The following USP51 variants were observed in gnomAD, a reference collection of about 807,000 sequenced individuals.
USP51 encodes the protein ubiquitin carboxyl-terminal hydrolase 51.
Under a neutral mutation model 17.6 loss-of-function variants are expected in USP51, and 5 were observed. The ratio of observed to expected loss-of-function variants is 0.28; its 90% confidence interval spans 0.15 to 0.60. USP51 has a LOEUF of 0.60. Ranked by LOEUF, USP51 falls within the 20% of genes least tolerant of loss-of-function variation. USP51 has a pLI of 0.88. For synonymous variants in USP51, 248 were observed against 216.1 expected (o/e 1.15, Z -1.29); for missense variants, 459 against 559.5 (o/e 0.82, Z 1.81).
In USP51 at chrX:55,486,243, A is replaced by C. The variant is rs1281150075; in HGVS notation, c.*561T>G. The C allele has an allele frequency of 8.9e-6, 1 of 112,039 alleles. No homozygotes were observed. The highest frequency in any genetic ancestry group is 2.8e-4 in the East Asian group (1 of 3,630). The allele number at this position is 112,039 out of a possible 1,213,427, so 9.2% of individuals were successfully genotyped here. Reference sequence around the variant, plus strand: ...TAAAAAATTATTTTTAACTTTTAAAATATTTCTTTTAAAAATAACAACTTA... The same window carrying C: ...TAAAAAATTATTTTTAACTTTTAAACTATTTCTTTTAAAAATAACAACTTA... On this transcript the variant is annotated 3_prime_UTR_variant, in exon 3 of 3. Transcript: ENST00000500968.
Position 55,488,250 on chromosome X carries a change from T to G in USP51, c.690A>C (p.Lys230Asn). Reference sequence around the variant, plus strand: ...ATACGTGACAGATGCATGACTTTGCTTTACGTTTCCTAGTCTCTGGGGTCC... The same window carrying G: ...ATACGTGACAGATGCATGACTTTGCGTTACGTTTCCTAGTCTCTGGGGTCC... ...WSGTPETRKRKAKSCICHVCS... is the reference protein window; with the variant it reads ...WSGTPETRKRNAKSCICHVCS... The change falls in exon 3 of 3, where the codon AAA becomes AAC. Residue 230 changes from lysine to asparagine, a missense_variant. This residue lies in a region of USP51 where 227 missense variants were observed against 365.5 expected (regional missense o/e 0.62). Coordinates refer to ENST00000500968, the MANE Select transcript of USP51 (RefSeq NM_201286.4). 7 of 1,211,922 alleles carry G rather than the reference T, an allele frequency of 5.8e-6. No individual in the cohort carries two copies. The highest frequency in any genetic ancestry group is 7.8e-6 in the Non-Finnish European group (7 of 895,529).
At position 55,488,148 on chromosome X, in the gene USP51, G is replaced by T. The variant is rs1414728491; in HGVS notation, c.792C>A (p.His264Gln). 7 of 1,210,403 alleles carry T rather than the reference G, an allele frequency of 5.8e-6. No homozygotes were observed. Among genetic ancestry groups the T allele is most frequent in the Non-Finnish European group, 5.6e-6 (5 of 895,346 alleles). Residue 264 changes from histidine to glutamine, a missense_variant, in exon 3 of 3, where the codon CAC becomes CAA. His to Gln is a conservative substitution (Grantham distance 24). Around this residue, in one of 2 missense-constraint regions of USP51, gnomAD observed 227 missense variants for 365.5 expected, o/e 0.62. Coordinates refer to ENST00000500968, the MANE Select transcript of USP51 (RefSeq NM_201286.4). ...FFGCFTEKHI[H>Q]KHAETKQHHL... ...GGTGCTGCTTTGTTTCTGCATGTTT[G>T]TGAATATGTTTCTCAGTGAAGCAGC...
Position 55,488,253 on chromosome X carries a change from A to G in USP51, c.687T>C (p.Arg229=), listed in dbSNP as rs775312851. 1 of 1,210,252 alleles carries G rather than the reference A, an allele frequency of 8.3e-7. No individual in the cohort carries two copies. Among genetic ancestry groups the G allele is most frequent in the African/African-American group, 1.7e-5 (1 of 57,185 alleles). ...VWSGTPETRK[R]KAKSCICHVC... ...CGTGACAGATGCATGACTTTGCTTT[A>G]CGTTTCCTAGTCTCTGGGGTCCCAC... The change falls in exon 3 of 3, where the codon CGT becomes CGC. Residue 229 remains arginine, a synonymous_variant. Transcript: ENST00000500968.
rs2031311833 is a variant in USP51, at chrX:55,486,062, C to T, written c.*742G>A. On this transcript the variant is annotated 3_prime_UTR_variant, in exon 3 of 3. Coordinates refer to ENST00000500968, the MANE Select transcript of USP51 (RefSeq NM_201286.4). Reference sequence around the variant, plus strand: ...CTTCATTTGAAACTTTTAAGATGTTCCTTTGTTTCTAACTTTAATTTTTAA... The same window carrying T: ...CTTCATTTGAAACTTTTAAGATGTTTCTTTGTTTCTAACTTTAATTTTTAA... The T allele has an allele frequency of 9.1e-6, 1 of 110,377 alleles. No homozygotes were observed. The highest frequency in any genetic ancestry group is 3.3e-5 in the African/African-American group (1 of 30,644). 9.1% of individuals were successfully genotyped at this position (110,377 alleles called of 1,213,427 possible).
rs770170110 is a variant in USP51, at chrX:55,488,933, G to C, written c.7C>G (p.Gln3Glu). The change falls in exon 3 of 3, where the codon CAG becomes GAG. Residue 3 changes from glutamine to glutamate, a missense_variant. Around this residue, in one of 2 missense-constraint regions of USP51, gnomAD observed 232 missense variants for 194.0 expected, o/e 1.20. Transcript: ENST00000500968. The stretch of plus-strand genomic sequence containing the variant: ...GAGGGCAAAGAAGTTTCTCGAACCT[G>C]GGCCATCAGATCACTCCCCGACCTG... MA[Q>E]VRETSLPSGS... The C allele has an allele frequency of 5.8e-6, 7 of 1,204,016 alleles. No homozygotes were observed.
Position 55,488,565 on chromosome X carries a change from C to G in USP51, c.375G>C (p.Pro125=). ...GCGGGGGCGGGGGCCGGGCTGGAGGCGGGGGTGGGGCCGAGAGCCCAGGCT... is the reference window on the plus strand; with the variant it reads ...GCGGGGGCGGGGGCCGGGCTGGAGGGGGGGGTGGGGCCGAGAGCCCAGGCT... ...RSQPGLSAPP[P]PPARPPPPPP... Residue 125 remains proline, a synonymous_variant, in exon 3 of 3, where the codon CCG becomes CCC. Coordinates refer to ENST00000500968, the MANE Select transcript of USP51 (RefSeq NM_201286.4). 1 of 936,900 alleles carries G rather than the reference C, an allele frequency of 1.1e-6. No individual in the cohort carries two copies. Among genetic ancestry groups the G allele is most frequent in the East Asian group, 4.2e-5 (1 of 23,886 alleles). 77.2% of individuals were successfully genotyped at this position (936,900 alleles called of 1,213,427 possible).
In USP51 at chrX:55,486,911, A is replaced by T; in HGVS notation, c.2029T>A (p.Trp677Arg). 8.3e-7 allele frequency: 1 copy of T among 1,211,894 alleles called. No individual in the cohort carries two copies. The highest frequency in any genetic ancestry group is 1.1e-6 in the Non-Finnish European group (1 of 895,562). Reference protein sequence around the residue: ...TSFIRQQKDQWFSCDDAIITK... With the variant: ...TSFIRQQKDQRFSCDDAIITK... ...ATGATGGCATCATCACAGCTGAACC[A>T]CTGGTCCTTTTGTTGCCGGATGAAG... is the stretch of plus-strand genomic sequence containing the variant. The change falls in exon 3 of 3, where the codon TGG (tryptophan) becomes AGG (arginine). Residue 677 changes from tryptophan to arginine, a missense_variant. Around this residue, in one of 2 missense-constraint regions of USP51, gnomAD observed 227 missense variants for 365.5 expected, o/e 0.62. Coordinates refer to ENST00000500968, the MANE Select transcript of USP51 (RefSeq NM_201286.4).
In USP51 at chrX:55,485,414, C is replaced by G. The variant is rs942522581; in HGVS notation, c.*1390G>C. ...GAAGGTGGGTTAGTTAGTGTTTAGG[C>G]CTTGCAGCCATTTCACAATTGGATG... On this transcript the variant is annotated 3_prime_UTR_variant, in exon 3 of 3. Coordinates refer to ENST00000500968, the MANE Select transcript of USP51 (RefSeq NM_201286.4). 9 of 110,377 alleles carry G rather than the reference C, an allele frequency of 8.2e-5. No homozygotes were observed. Among genetic ancestry groups the G allele is most frequent in the Non-Finnish European group, 1.7e-4 (9 of 52,862 alleles). The allele number at this position is 110,377 out of a possible 1,213,427, so 9.1% of individuals were successfully genotyped here. A position where few individuals can be genotyped will look rare whatever the true frequency, so the allele number is the denominator to read the frequency against.
Position 55,489,293 on chromosome X carries a change from C to T in USP51, c.-174G>A, listed in dbSNP as rs887815786. ...GAAACTTCTTTAAAAAAGGCGCCAC[C>T]CTCTGACTGCTTTTTTGCGCCCTGC... On this transcript the variant is annotated 5_prime_UTR_variant, in exon 2 of 3. Transcript: ENST00000500968. 2.7e-5 allele frequency: 5 copies of T among 185,794 alleles called. No individual in the cohort carries two copies. The highest frequency in any genetic ancestry group is 5.0e-5 in the Non-Finnish European group (5 of 100,498). 15.3% of individuals were successfully genotyped at this position (185,794 alleles called of 1,213,427 possible). A position where few individuals can be genotyped will look rare whatever the true frequency, so the allele number is the denominator to read the frequency against.
In USP51 at chrX:55,489,172, C is replaced by T; in HGVS notation, c.-53G>A. ...ATGGGGAGACCGAGGCGGTTACCTG[C>T]TTCAAAGGCGATCAGATCATGCCAG... On this transcript the variant is annotated 5_prime_UTR_variant, in exon 2 of 3. Transcript: ENST00000500968. The T allele has an allele frequency of 2.3e-6, 1 of 433,784 alleles. No individual in the cohort carries two copies. Among genetic ancestry groups the T allele is most frequent in the South Asian group, 3.7e-5 (1 of 27,294 alleles). 35.7% of individuals were successfully genotyped at this position (433,784 alleles called of 1,213,427 possible). A position where few individuals can be genotyped will look rare whatever the true frequency, so the allele number is the denominator to read the frequency against.
Position 55,488,618 on chromosome X carries a change from G to T in USP51, c.322C>A (p.Pro108Thr), listed in dbSNP as rs780035706. 17 of 1,148,039 alleles carry T rather than the reference G, an allele frequency of 1.5e-5. No homozygotes were observed. Among genetic ancestry groups the T allele is most frequent in the Non-Finnish European group, 2.0e-5 (17 of 868,396 alleles). The allele number at this position is 1,148,039 out of a possible 1,213,427, so 94.6% of individuals were successfully genotyped here. A position where few individuals can be genotyped will look rare whatever the true frequency, so the allele number is the denominator to read the frequency against. Residue 108 changes from proline to threonine, a missense_variant, in exon 3 of 3, where the codon CCC becomes ACC. By Grantham distance (38) the Pro-to-Thr change is conservative (BLOSUM62 -1). Coordinates refer to ENST00000500968, the MANE Select transcript of USP51 (RefSeq NM_201286.4). Reference sequence around the variant, plus strand: ...CTGCGGGAGCGGGCCCGGGGCTGGGGCCGAGGGCGGGGCTTGCGGCGCGGG... The same window carrying T: ...CTGCGGGAGCGGGCCCGGGGCTGGGTCCGAGGGCGGGGCTTGCGGCGCGGG... Reference protein sequence around the residue: ...VCPRRKPRPRPQPRARSRSQP... With the variant: ...VCPRRKPRPRTQPRARSRSQP...
At position 55,488,694 on chromosome X, in the gene USP51, C is replaced by G; in HGVS notation, c.246G>C (p.Lys82Asn). The G allele has an allele frequency of 5.0e-6, 6 of 1,200,475 alleles. No homozygotes were observed. Among genetic ancestry groups the G allele is most frequent in the East Asian group, 3.0e-5 (1 of 33,783 alleles). Reference protein sequence around the residue: ...LTWSSSGGDEKVLPSIPLRCH... With the variant: ...LTWSSSGGDENVLPSIPLRCH... ...AGCGAAGGGGGATTGAAGGGAGCACCTTCTCGTCGCCGCCGCTGCTGCTCC... is the reference window on the plus strand; with the variant it reads ...AGCGAAGGGGGATTGAAGGGAGCACGTTCTCGTCGCCGCCGCTGCTGCTCC... The change falls in exon 3 of 3, where the codon AAG (lysine) becomes AAC (asparagine). Residue 82 changes from lysine to asparagine, a missense_variant. Transcript: ENST00000500968.
rs777481276 is a variant in USP51 at position 55,488,730 on chromosome X, C to A, written c.210G>T (p.Glu70Asp). The change falls in exon 3 of 3, where the codon GAG becomes GAT. Residue 70 changes from glutamate to aspartate, a missense_variant. Physicochemically the swap from Glu to Asp is conservative, Grantham distance 45. Coordinates refer to ENST00000500968, the MANE Select transcript of USP51 (RefSeq NM_201286.4). ...PLQEREPAPEENLTWSSSGGD... is the reference protein window; with the variant it reads ...PLQEREPAPEDNLTWSSSGGD... ...CGCCGCTGCTGCTCCACGTCAAGTT[C>A]TCCTCCGGCGCGGGCTCACGCTCTT... 6 of 1,205,296 alleles carry A rather than the reference C, an allele frequency of 5.0e-6. No individual in the cohort carries two copies. In the Admixed American group the frequency reaches 1.3e-4, roughly 26 times the overall value.
rs368900963 is a variant in USP51, at chrX:55,486,793, G to A, written c.*11C>T. 6 of 1,163,200 alleles carry A rather than the reference G, an allele frequency of 5.2e-6. No individual in the cohort carries two copies. In the African/African-American group the frequency reaches 1.1e-4, roughly 21 times the overall value. ...TCATTTACTTTTTTTTCAGTAAGTG[G>A]TCTGGTAAGACTAGTCTTTCTCTAG... On this transcript the variant is annotated 3_prime_UTR_variant, in exon 3 of 3. Coordinates refer to ENST00000500968, the MANE Select transcript of USP51 (RefSeq NM_201286.4).
Position 55,488,546 on chromosome X carries a change from G to A in USP51, c.394C>T (p.Pro132Ser), listed in dbSNP as rs921594347. 25 of 1,012,614 alleles carry A rather than the reference G, an allele frequency of 2.5e-5. No individual in the cohort carries two copies. The African/African-American group carries it at 4.5e-4, about 18-fold the overall frequency. The allele number at this position is 1,012,614 out of a possible 1,213,427, so 83.5% of individuals were successfully genotyped here. Residue 132 changes from proline (P) to serine (S), a missense_variant, in exon 3 of 3, where the codon CCC (proline) becomes TCC (serine). Coordinates refer to ENST00000500968, the MANE Select transcript of USP51 (RefSeq NM_201286.4). Reference protein sequence around the residue: ...APPPPPARPPPPPPPPPPPAP... With the variant: ...APPPPPARPPSPPPPPPPPAP... ...GGTGGGGGCGGGGGTGGCGGCGGGG[G>A]CGGGGGCCGGGCTGGAGGCGGGGGT...
In USP51 at chrX:55,484,884, G is replaced by C. The variant is rs2031291736; in HGVS notation, c.*1920C>G. 1 of 111,863 alleles carries C rather than the reference G, an allele frequency of 8.9e-6. No individual in the cohort carries two copies. The highest frequency in any genetic ancestry group is 1.9e-5 in the Non-Finnish European group (1 of 53,238). 9.2% of individuals were successfully genotyped at this position (111,863 alleles called of 1,213,427 possible). A position where few individuals can be genotyped will look rare whatever the true frequency, so the allele number is the denominator to read the frequency against. On this transcript the variant is annotated 3_prime_UTR_variant, in exon 3 of 3. Transcript: ENST00000500968. ...CATCTGTGAGTTGGGTCTTGAAGGA[G>C]GAGTAAAAGCCACCAGGTGAATAGT... is the stretch of plus-strand genomic sequence containing the variant.
In USP51 at chrX:55,487,867, T is replaced by C. The variant is rs141373223; in HGVS notation, c.1073A>G (p.Tyr358Cys). Residue 358 changes from tyrosine (Y) to cysteine (C), a missense_variant, in exon 3 of 3, where the codon TAT (tyrosine) becomes TGT (cysteine). Coordinates refer to ENST00000500968, the MANE Select transcript of USP51 (RefSeq NM_201286.4). The stretch of plus-strand genomic sequence containing the variant: ...GATTAGCCCTCTCAGGCCTACAGTA[T>C]AGACTGACTTTTTTCTTCTCTTTTT... ...PKKKRRKKSV[Y>C]TVGLRGLINL... 14 of 1,186,627 alleles carry C rather than the reference T, an allele frequency of 1.2e-5. No individual in the cohort carries two copies. The highest frequency in any genetic ancestry group is 5.3e-5 in the African/African-American group (3 of 56,536).
At position 55,487,530 on chromosome X, in the gene USP51, A is replaced by G. The variant is rs932275786; in HGVS notation, c.1410T>C (p.Gly470=). 2 of 1,210,424 alleles carry G rather than the reference A, an allele frequency of 1.7e-6. No homozygotes were observed. Among genetic ancestry groups the G allele is most frequent in the Admixed American group, 4.4e-5 (2 of 45,856 alleles). ...VLHRHSKDDS[G]GQEANNPNCC... ...AGTTGGGGTTATTGGCCTCCTGCCC[A>G]CCACTATCATCTTTGCTGTGTCTAT... Residue 470 remains glycine, a synonymous_variant, in exon 3 of 3, where the codon GGT becomes GGC. Coordinates refer to ENST00000500968, the MANE Select transcript of USP51 (RefSeq NM_201286.4).
Position 55,488,526 on chromosome X carries a change from G to A in USP51, c.414C>T (p.Pro138=), listed in dbSNP as rs1343297703. Residue 138 remains proline, a synonymous_variant, in exon 3 of 3, where the codon CCC becomes CCT. Transcript: ENST00000500968. ...AGGCCCTGGGCCGCGGTGCGGGTGG[G>A]GGCGGGGGTGGCGGCGGGGGCGGGG... ...ARPPPPPPPP[P]PPAPRPRAWR... is the part of the protein sequence containing the mutation. 1.7e-5 allele frequency: 18 copies of A among 1,048,863 alleles called. No individual in the cohort carries two copies. The highest frequency in any genetic ancestry group is 2.2e-5 in the Non-Finnish European group (18 of 820,640). The allele number at this position is 1,048,863 out of a possible 1,213,427, so 86.4% of individuals were successfully genotyped here.
Sources: allele counts gnomAD v4.1 joint callset, GRCh38; gene constraint gnomAD v4.1.1; regional missense constraint gnomAD v4.1.1; transcripts MANE v1.5; gene names NCBI Gene and HGNC (gene_info 2026-07-23, HGNC 2026-07-21).